The following IL1RAPL2 variants were observed in gnomAD, a reference collection of about 807,000 sequenced individuals.
IL1RAPL2 encodes X-linked interleukin-1 receptor accessory protein-like 2.
Under a neutral mutation model 44.1 loss-of-function variants are expected in IL1RAPL2, and 3 were observed. The observed-to-expected ratio is 0.07, with a 90% confidence interval of 0.03 to 0.18. The LOEUF (loss-of-function observed/expected upper bound fraction) is 0.18. Among genes scored for constraint, IL1RAPL2 ranks in the 10% least tolerant of loss-of-function variants. IL1RAPL2 has a pLI of 1.00. For missense variants in IL1RAPL2, 391 were observed against 496.4 expected, an observed-to-expected ratio of 0.79 and a Z score of 2.02; for synonymous variants, 181 against 178.8, an observed-to-expected ratio of 1.01 and a Z score of -0.10.
At chrX:104,778,326 T>C (rs1052000344) in intron 2 of IL1RAPL2, among the ~76,000 whole-genome samples, 6 of 111,264 alleles carry the variant, frequency 5.4e-5, no homozygotes, top group Non-Finnish European at 1.1e-4. Flanking sequence ...AATGAATGAA[T>C]TCATATTGGC....
At chrX:105,693,390 A>G (rs1684659512) in intron 6 of IL1RAPL2, among the ~76,000 whole-genome samples, 1 of 111,179 alleles carries the variant, frequency 9.0e-6, no homozygotes, top group Non-Finnish European at 1.9e-5. Flanking sequence ...TTGTTGCTCT[A>G]TTAGTTCACA....
intron 2 of IL1RAPL2, among the ~76,000 whole-genome samples, chrX:105,008,777 CT>C (rs2030991061): frequency 9.0e-6 from 1 of 111,680 alleles, no homozygotes; most frequent in African/African-American, 3.3e-5. Flanking sequence ...TAAAGAGCTT[CT>C]GCACAGCAAA....
chrX:104,604,855 A>T (rs1320233788), intron 1 of IL1RAPL2, among the ~76,000 whole-genome samples: 1 of 110,774 alleles, frequency 9.0e-6, no homozygotes, highest in Non-Finnish European at 1.9e-5. Flanking sequence ...ACTTAGACCC[A>T]CACAATAATA....
At chrX:104,893,134 A>T (rs1031361007) in intron 2 of IL1RAPL2, among the ~76,000 whole-genome samples, 18 of 111,900 alleles carry the variant, frequency 1.6e-4, no homozygotes, top group Non-Finnish European at 2.3e-4. Flanking sequence ...TTCTAGTTTG[A>T]TTGCACTGTG....
intron 2 of IL1RAPL2, among the ~76,000 whole-genome samples, chrX:104,821,313 G>T (rs1428915469): frequency 9.0e-6 from 1 of 110,598 alleles, no homozygotes; most frequent in Non-Finnish European, 1.9e-5. Context: ...TGTTACAGAG[G>T]TATACGTGTG....
intron 6 of IL1RAPL2, among the ~76,000 whole-genome samples, chrX:105,656,744 A>G (rs5916941): frequency 0.012 from 1,370 of 111,726 alleles, 14 homozygotes; most frequent in Non-Finnish European, 0.02. Flanking sequence ...CTCTCTTTTC[A>G]CAGGGTGTAC....
At chrX:105,026,191 C>G (rs185067265) in intron 2 of IL1RAPL2, among the ~76,000 whole-genome samples, 1 of 110,908 alleles carries the variant, frequency 9.0e-6, no homozygotes, top group Middle Eastern at 4.6e-3. Flanking sequence ...GTTAGGCTAA[C>G]CTTTAGTGAA....
intron 2 of IL1RAPL2, among the ~76,000 whole-genome samples, chrX:105,141,270 G>T (rs1602974745): frequency 9.0e-6 from 1 of 110,659 alleles, no homozygotes. Context: ...GCCCACAGGT[G>T]AACATTAGTT....
chrX:104,725,818 C>T (rs1327614236), intron 2 of IL1RAPL2, among the ~76,000 whole-genome samples: 1 of 111,644 alleles, frequency 9.0e-6, no homozygotes, highest in Non-Finnish European at 1.9e-5. Context: ...CAAAAATTTT[C>T]TCCTATTCTC....
At chrX:105,283,748 A>G (rs1031154525) in intron 5 of IL1RAPL2, among the ~76,000 whole-genome samples, 1 of 110,813 alleles carries the variant, frequency 9.0e-6, no homozygotes, top group Admixed American at 9.7e-5. Context: ...GCATTCAGGG[A>G]AAAGTTTGAA....
intron 2 of IL1RAPL2, among the ~76,000 whole-genome samples, chrX:104,808,510 G>A (rs896359412): frequency 2.7e-5 from 3 of 111,201 alleles, no homozygotes; most frequent in African/African-American, 9.8e-5. Context: ...TATGGGTTTA[G>A]GTGGATGGAG....
At chrX:105,668,655 T>A (rs187007444) in intron 6 of IL1RAPL2, among the ~76,000 whole-genome samples, 353 of 112,181 alleles carry the variant, frequency 3.1e-3, no homozygotes, top group Middle Eastern at 9.3e-3. Context: ...TATATTGGGA[T>A]GTGTGAATAT....
At chrX:104,991,356 GT>G (rs913438323) in intron 2 of IL1RAPL2, among the ~76,000 whole-genome samples, 1 of 111,731 alleles carries the variant, frequency 9.0e-6, no homozygotes, top group Non-Finnish European at 1.9e-5. Context: ...CAGAGGAGAA[GT>G]TTACACAGTA....
intron 5 of IL1RAPL2, among the ~76,000 whole-genome samples, chrX:105,470,376 C>G (rs2036158331): frequency 9.0e-6 from 1 of 111,467 alleles, no homozygotes; most frequent in East Asian, 2.8e-4. Flanking sequence ...TTTAGTGGAG[C>G]CAGGATCAGA....
chrX:105,101,889 T>C (rs2032675682), intron 2 of IL1RAPL2, among the ~76,000 whole-genome samples: 1 of 112,146 alleles, frequency 8.9e-6, no homozygotes, highest in African/African-American at 3.2e-5. Flanking sequence ...AAATCAGTTA[T>C]TGCCACTCAG....
intron 2 of IL1RAPL2, among the ~76,000 whole-genome samples, chrX:104,925,322 A>G (rs1026244074): frequency 1.8e-5 from 2 of 110,323 alleles, no homozygotes; most frequent in Non-Finnish European, 3.8e-5. Context: ...TTCCAAAAAA[A>G]TCGAGGAGGG....
At chrX:105,060,663 A>G (rs1262095455) in intron 2 of IL1RAPL2, among the ~76,000 whole-genome samples, 2 of 97,238 alleles carry the variant, frequency 2.1e-5, no homozygotes, top group Non-Finnish European at 4.0e-5. Context: ...ATGAGTTTGG[A>G]AGTATTCTCT....
intron 6 of IL1RAPL2, among the ~76,000 whole-genome samples, chrX:105,602,760 C>T (rs1349231910): frequency 9.4e-6 from 1 of 106,866 alleles, no homozygotes; most frequent in East Asian, 2.9e-4. Flanking sequence ...AACTTGGAGG[C>T]CAGAAGAGAA....
intron 1 of IL1RAPL2, among the ~76,000 whole-genome samples, chrX:104,626,659 T>A (rs1372358002): frequency 9.3e-6 from 1 of 107,830 alleles, no homozygotes; most frequent in Non-Finnish European, 1.9e-5. Flanking sequence ...GTAAAGTGTA[T>A]CTTTAGGCTA....
Sources: gnomAD v4.1 joint callset for allele counts (sites outside exome capture counted in the v4.1 genomes callset) on GRCh38, gnomAD v4.1.1 for gene constraint, MANE v1.5 for transcripts, NCBI Gene and HGNC (gene_info 2026-07-23, HGNC 2026-07-21) for gene names.